Variants in HIVEP2 observed in about 807,000 individuals in gnomAD.
HIVEP2 encodes HIVEP zinc finger 2.
Under a neutral mutation model 180.7 loss-of-function variants are expected in HIVEP2, and 14 were observed. The ratio of observed to expected loss-of-function variants is 0.08; its 90% CI spans 0.05 to 0.12. The LOEUF (loss-of-function observed/expected upper bound fraction) is 0.12. HIVEP2 is among the 10% of genes least tolerant of loss of function. HIVEP2 has a pLI of 1.00. For synonymous variants in HIVEP2, 1,184 were observed against 1,136.4 expected (o/e 1.04, Z -0.84); for missense variants, 2,579 against 3,008.5 (o/e 0.86, Z 3.34).
chr6:142,793,659 T>TCTTTCTTTCTTTCTTTCTTTCTTTCTTTC lies in HIVEP2; in HGVS notation c.-527-10045_-527-10044insGAAAGAAAGAAAGAAAGAAAGAAAGAAAG, dbSNP rs3057479. Among the ~76,000 whole-genome samples, 68 of 106,198 alleles carry TCTTTCTTTCTTTCTTTCTTTCTTTCTTTC rather than the reference T, an allele frequency of 6.4e-4. 3 individuals are homozygous for TCTTTCTTTCTTTCTTTCTTTCTTTCTTTC. Among genetic ancestry groups the TCTTTCTTTCTTTCTTTCTTTCTTTCTTTC allele is most frequent in the Non-Finnish European group, 9.2e-4 (48 of 52,088 alleles). 69.7% of individuals were successfully genotyped at this position (106,198 alleles called of 152,430 possible). A position where few individuals can be genotyped will look rare whatever the true frequency, so the allele number is the denominator to read the frequency against. On this transcript the variant is annotated intron_variant, in intron 2 of 9. Coordinates refer to ENST00000367603, the MANE Select transcript of HIVEP2 (RefSeq NM_006734.4). ...TTCTTTCTTTCTTTCTTTCTTTCTT[T>TCTTTCTTTCTTTCTTTCTTTCTTTCTTTC]TTTCTTTCTTTCTTTCTCTCTCTCT...
chr6:142,769,997 C>G lies in HIVEP2; in HGVS notation c.4742G>C (p.Ser1581Thr). 1 of 1,614,134 alleles carries G rather than the reference C, an allele frequency of 6.2e-7. No individual in the cohort carries two copies. The highest frequency in any genetic ancestry group is 8.5e-7 in the Non-Finnish European group (1 of 1,180,034). The stretch of plus-strand genomic sequence containing the variant: ...TGCTGGTAATGAAGAACTCTGTGGG[C>G]TCATGCTCATGTCCGATGCCGTCTC... Reference protein sequence around the residue: ...IDETASDMSMSPQSSSLPAGD... With the variant: ...IDETASDMSMTPQSSSLPAGD... Residue 1581 changes from serine to threonine, a missense_variant, in exon 5 of 10, where the codon AGC becomes ACC. Transcript: ENST00000367603.
intron 4 of HIVEP2, 54 bp from the exon 5 acceptor site, chr6:142,775,179 C>CAAAA: frequency 9.3e-6 from 3 of 321,072 alleles, no homozygotes; most frequent in Non-Finnish European, 1.3e-5. Flanking sequence ...AATAAGAAAC[C>CAAAA]AAAAAAAAAA....
chr6:142,887,718 C>A (rs1000454251), intron 1 of HIVEP2, among the ~76,000 whole-genome samples: 2 of 152,158 alleles, frequency 1.3e-5, no homozygotes, highest in African/African-American at 4.8e-5. Context: ...AGAAACTATG[C>A]TATCATTACA....
At chr6:142,894,146 G>T (rs963281874) in intron 1 of HIVEP2, among the ~76,000 whole-genome samples, 1 of 152,082 alleles carries the variant, frequency 6.6e-6, no homozygotes, top group African/African-American at 2.4e-5. Flanking sequence ...TAATAGCTGG[G>T]TTTTATGATG....
chr6:142,940,376 C>G (rs1255449803), intron 1 of HIVEP2, among the ~76,000 whole-genome samples: 2 of 152,138 alleles, frequency 1.3e-5, no homozygotes, highest in Non-Finnish European at 1.5e-5. Flanking sequence ...TCCAGGTGCT[C>G]CAAAACAATT....
At chr6:142,783,139 C>T (rs2114693563) in intron 3 of HIVEP2, among the ~76,000 whole-genome samples, 1 of 151,912 alleles carries the variant, frequency 6.6e-6, no homozygotes, top group East Asian at 1.9e-4. Context: ...ACCATCCTGG[C>T]CAACATGGTG....
Position 142,769,942 on chromosome 6 carries a change from C to T in HIVEP2, c.4797G>A (p.Lys1599=), listed in dbSNP as rs748926709. 5.6e-6 allele frequency: 9 copies of T among 1,613,926 alleles called. No individual in the cohort carries two copies. In the African/African-American group the frequency reaches 1.1e-4, roughly 19 times the overall value. ...AGDGQLEEEG[K]GHKRPVGMLV... ...GCATGCCAACAGGCCGCTTGTGGCCCTTCCCTTCCTCTTCCAGCTGACCAT... is the reference window on the plus strand; with the variant it reads ...GCATGCCAACAGGCCGCTTGTGGCCTTTCCCTTCCTCTTCCAGCTGACCAT... Residue 1599 remains lysine (K), a synonymous_variant, in exon 5 of 10, where the codon AAG becomes AAA. Coordinates refer to ENST00000367603, the MANE Select transcript of HIVEP2 (RefSeq NM_006734.4).
intron 2 of HIVEP2, among the ~76,000 whole-genome samples, chr6:142,793,622 C>CTCTTTCTTTCCT (rs1554279257): frequency 1.4e-4 from 7 of 50,350 alleles, no homozygotes; most frequent in South Asian, 7.9e-4. Flanking sequence ...ATCCTTCCTT[C>CTCTTTCTTTCCT]TCTTTCTTTC....
At chr6:142,895,227 G>A (rs903206742) in intron 1 of HIVEP2, among the ~76,000 whole-genome samples, 1 of 151,822 alleles carries the variant, frequency 6.6e-6, no homozygotes. Context: ...TTTCTGTTTT[G>A]TCTTACAGTT....
chr6:142,781,348 G>C (rs1351772050), intron 3 of HIVEP2, among the ~76,000 whole-genome samples: 1 of 152,148 alleles, frequency 6.6e-6, no homozygotes, highest in African/African-American at 2.4e-5. Context: ...CCCACACAAA[G>C]TCATTTTTGG....
chr6:142,817,196 A>G (rs1177347530), intron 2 of HIVEP2, among the ~76,000 whole-genome samples: 1 of 152,246 alleles, frequency 6.6e-6, no homozygotes, highest in Non-Finnish European at 1.5e-5. Flanking sequence ...GAAATGTAAT[A>G]GTACCTTCTT....
intron 1 of HIVEP2, among the ~76,000 whole-genome samples, chr6:142,844,554 T>A (rs996271312): frequency 3.3e-5 from 5 of 152,204 alleles, no homozygotes; most frequent in African/African-American, 1.2e-4. Context: ...TTAGCCACAG[T>A]TACTGTCCGA....
At chr6:142,765,729 C>A (rs1775365061) in intron 6 of HIVEP2, among the ~76,000 whole-genome samples, 1 of 152,190 alleles carries the variant, frequency 6.6e-6, no homozygotes, top group Non-Finnish European at 1.5e-5. Context: ...TATCTGAGGT[C>A]ATCTTGCTTA....
At position 142,772,402 on chromosome 6, in the gene HIVEP2, T is replaced by C. The variant is rs369948574; in HGVS notation, c.2337A>G (p.Ser779=). 6.2e-7 allele frequency: 1 copy of C among 1,614,220 alleles called. No homozygotes were observed. Among genetic ancestry groups the C allele is most frequent in the Non-Finnish European group, 8.5e-7 (1 of 1,180,038 alleles). The change falls in exon 5 of 10, where the codon TCA becomes TCG. Residue 779 remains serine, a synonymous_variant. Transcript: ENST00000367603. This position sits in a 1 kb window ranked among gnomAD's most constrained non-coding sequence, Gnocchi z 4.9. ...CTGACATCTTGTCTGAATCAATGGC[T>C]GAAGGTGACTCCTCTGACACAAGAG... The part of the protein sequence containing the change: ...SPSLVSEESP[S]AIDSDKMSDL...
chr6:142,880,121 A>T (rs560974920), intron 1 of HIVEP2, among the ~76,000 whole-genome samples: 1 of 151,984 alleles, frequency 6.6e-6, no homozygotes, highest in Non-Finnish European at 1.5e-5. Context: ...TCTTTATTAG[A>T]TTCTATTATT....
At chr6:142,780,475 T>C in intron 3 of HIVEP2, among the ~76,000 whole-genome samples, 1 of 152,228 alleles carries the variant, frequency 6.6e-6, no homozygotes, top group East Asian at 1.9e-4. Flanking sequence ...AGCCTTTGAC[T>C]AACTGCTATC....
intron 1 of HIVEP2, among the ~76,000 whole-genome samples, chr6:142,855,887 A>T (rs2114937840): frequency 6.8e-6 from 1 of 147,682 alleles, no homozygotes; most frequent in East Asian, 2.0e-4. Flanking sequence ...AAGAAGTGAA[A>T]GTATTCTTTC....
At chr6:142,792,343 T>A (rs1203842995) in intron 2 of HIVEP2, among the ~76,000 whole-genome samples, 2 of 152,204 alleles carry the variant, frequency 1.3e-5, no homozygotes, top group East Asian at 3.9e-4. Context: ...AGTAATAAGA[T>A]AATGGAATAA....
chr6:142,825,018 T>C (rs1774840282), intron 2 of HIVEP2, among the ~76,000 whole-genome samples: 1 of 152,188 alleles, frequency 6.6e-6, no homozygotes, highest in Non-Finnish European at 1.5e-5. Context: ...TTGCTCATGA[T>C]CCATTTCTTA....
Sources: allele counts gnomAD v4.1 joint callset (sites outside exome capture counted in the v4.1 genomes callset), GRCh38; gene constraint gnomAD v4.1.1; non-coding constraint Gnocchi (gnomAD v3.1); transcripts MANE v1.5; gene names NCBI Gene and HGNC (gene_info 2026-07-23, HGNC 2026-07-21).